The following DGKB variants were observed in gnomAD, a reference collection of about 807,000 sequenced individuals.
DGKB encodes diacylglycerol kinase beta, also known as 90 kDa diacylglycerol kinase.
A neutral mutation model predicts 114.3 loss-of-function variants in DGKB; 67 were observed. The observed-to-expected ratio is 0.59, with a 90% CI of 0.48 to 0.72. DGKB has a LOEUF of 0.72. Among genes scored for constraint, DGKB ranks in the 30% least tolerant of loss-of-function variants. The pLI, the probability that DGKB is intolerant of heterozygous loss-of-function variation, is 0.00. For synonymous variants in DGKB, 398 were observed against 323.1 expected, an observed-to-expected ratio of 1.23 and a Z score of -2.49; for missense variants, 907 against 975.2, an observed-to-expected ratio of 0.93 and a Z score of 0.93.
chr7:14,685,117 A>G, intron 10 of DGKB, 128 bp downstream of exon 10: 1 of 517,170 alleles, frequency 1.9e-6, no homozygotes, highest in South Asian at 4.2e-5. Context: ...CTACAGGAAA[A>G]TATAAATCAC....
At chr7:14,722,281 C>T (rs1829301955) in intron 5 of DGKB, among the ~76,000 whole-genome samples, 1 of 152,172 alleles carries the variant, frequency 6.6e-6, no homozygotes, top group East Asian at 1.9e-4. Flanking sequence ...TCCCAACAAT[C>T]TCTGAACCTT....
At chr7:14,298,092 G>C (rs1279183667) in intron 23 of DGKB, among the ~76,000 whole-genome samples, 1 of 152,156 alleles carries the variant, frequency 6.6e-6, no homozygotes, top group Non-Finnish European at 1.5e-5. Flanking sequence ...CATGCTCATG[G>C]ATAGGAAGAA....
chr7:14,470,221 C>A (rs1185516865), intron 21 of DGKB, among the ~76,000 whole-genome samples: 2 of 151,828 alleles, frequency 1.3e-5, no homozygotes, highest in Non-Finnish European at 3.0e-5. Context: ...CTGCACAACA[C>A]CACTATTTCT....
At chr7:14,268,891 T>G (rs1797892720) in intron 23 of DGKB, 1 of 152,228 alleles carries the variant, frequency 6.6e-6, no homozygotes, top group South Asian at 2.1e-4. Context: ...TTGTGAATAA[T>G]AAGTTACCTT....
chr7:14,870,750 G>T (rs1489107152), intron 1 of DGKB, among the ~76,000 whole-genome samples: 1 of 152,032 alleles, frequency 6.6e-6, no homozygotes, highest in Admixed American at 6.6e-5. Flanking sequence ...AGCCGAGATA[G>T]TACCACTACA....
chr7:14,600,767 G>A (rs939052434), intron 17 of DGKB, among the ~76,000 whole-genome samples: 1 of 152,194 alleles, frequency 6.6e-6, no homozygotes, highest in Non-Finnish European at 1.5e-5. Flanking sequence ...CCTCTTTGAC[G>A]ATGTGTCCTG....
At chr7:14,170,169 GAAAGAAAGAAAGAAAGAA>G (rs1780744425) in intron 25 of DGKB, among the ~76,000 whole-genome samples, 1 of 135,868 alleles carries the variant, frequency 7.4e-6, no homozygotes, top group African/African-American at 3.1e-5. Flanking sequence ...AAGAAAGAAA[GAAAGAAAGAAAGAAAGAA>G]AGAAAGAAAG....
intron 1 of DGKB, among the ~76,000 whole-genome samples, chr7:14,948,139 C>G (rs1049574793): frequency 2.0e-5 from 3 of 151,702 alleles, no homozygotes; most frequent in Non-Finnish European, 4.4e-5. Context: ...GAATGAAATT[C>G]AGGAGCAAGA....
intron 21 of DGKB, among the ~76,000 whole-genome samples, chr7:14,383,140 T>G (rs1819756735): frequency 6.6e-6 from 1 of 152,168 alleles, no homozygotes; most frequent in African/African-American, 2.4e-5. Context: ...TTTTCTATTT[T>G]CAATAGTATC....
chr7:14,452,478 T>C (rs1255099218), intron 21 of DGKB, among the ~76,000 whole-genome samples: 1 of 152,124 alleles, frequency 6.6e-6, no homozygotes, highest in African/African-American at 2.4e-5. Context: ...ATTTCATCTA[T>C]TAAGTCTCTG....
intron 20 of DGKB, among the ~76,000 whole-genome samples, chr7:14,504,019 T>G (rs140887676): frequency 6.6e-6 from 1 of 152,172 alleles, no homozygotes; most frequent in South Asian, 2.1e-4. Flanking sequence ...AAAAGATGTT[T>G]TCTTAACTGG....
intron 23 of DGKB, among the ~76,000 whole-genome samples, chr7:14,327,096 G>A (rs1368077767): frequency 6.6e-6 from 1 of 152,018 alleles, no homozygotes; most frequent in Non-Finnish European, 1.5e-5. Flanking sequence ...TATTTTAAAT[G>A]TTTTGGATAA....
intron 2 of DGKB, chr7:14,816,408 CT>C (rs1562611431): frequency 6.6e-6 from 1 of 152,086 alleles, no homozygotes; most frequent in Non-Finnish European, 1.5e-5. Flanking sequence ...TGCCAATTTG[CT>C]GTTTGTTTTT....
At chr7:14,569,629 C>T (rs1271387188) in intron 20 of DGKB, among the ~76,000 whole-genome samples, 1 of 152,044 alleles carries the variant, frequency 6.6e-6, no homozygotes, top group African/African-American at 2.4e-5. Context: ...TTCATAGGAC[C>T]ATTCTGTTAT....
chr7:14,970,873 G>A (rs1213118709), intron 1 of DGKB, among the ~76,000 whole-genome samples: 1 of 152,180 alleles, frequency 6.6e-6, no homozygotes, highest in Non-Finnish European at 1.5e-5. Context: ...CTGGAGTGCA[G>A]ATGGACAGCG....
At chr7:14,281,375 C>T (rs1274713157) in intron 23 of DGKB, among the ~76,000 whole-genome samples, 1 of 125,052 alleles carries the variant, frequency 8.0e-6, no homozygotes, top group East Asian at 2.4e-4. Flanking sequence ...TCCTGAGTGA[C>T]CTACAAAGAG....
chr7:14,828,966 T>C (rs779837568), intron 2 of DGKB, among the ~76,000 whole-genome samples: 1 of 152,060 alleles, frequency 6.6e-6, no homozygotes, highest in Admixed American at 6.6e-5. Context: ...ACCAGACTAA[T>C]GTTGCTAAGC....
intron 1 of DGKB, among the ~76,000 whole-genome samples, chr7:14,891,328 T>A (rs1436588038): frequency 6.6e-6 from 1 of 151,430 alleles, no homozygotes; most frequent in Non-Finnish European, 1.5e-5. Flanking sequence ...TAACTCATCA[T>A]CCCTAATCAA....
chr7:14,608,090 A>G (rs1804853992), intron 16 of DGKB, among the ~76,000 whole-genome samples: 2 of 152,082 alleles, frequency 1.3e-5, no homozygotes, highest in African/African-American at 4.8e-5. Flanking sequence ...AGCATATGAC[A>G]AATAATTCTT....
Sources: allele counts gnomAD v4.1 joint callset (sites outside exome capture counted in the v4.1 genomes callset), GRCh38; gene constraint gnomAD v4.1.1; transcripts MANE v1.5; gene names NCBI Gene and HGNC (gene_info 2026-07-23, HGNC 2026-07-21).